Variants in COL6A3 observed in about 807,000 individuals in gnomAD.
The protein encoded by COL6A3 is collagen type VI alpha 3 chain.
A neutral mutation model predicts 274.1 loss-of-function variants in COL6A3; 137 were observed. The ratio of observed to expected loss-of-function variants is 0.50; its 90% CI spans 0.44 to 0.58. The LOEUF is 0.58. Among genes scored for constraint, COL6A3 ranks in the 20% least tolerant of loss-of-function variants. COL6A3 has a pLI of 0.00. For synonymous variants in COL6A3, 1,650 were observed against 1,650.6 expected (o/e 1.00, Z 0.01); for missense variants, 3,950 against 4,124.9 (o/e 0.96, Z 1.16).
chr2:237,381,663 T>A (rs1377478080), intron 4 of COL6A3, among the ~76,000 whole-genome samples, 164 bp from the exon 5 acceptor site: 1 of 152,216 alleles, frequency 6.6e-6, no homozygotes, highest in Non-Finnish European at 1.5e-5. Flanking sequence ...ACACATAAGT[T>A]ATGGTTGCCT....
In COL6A3 at chr2:237,339,004, T is replaced by A; in HGVS notation, c.8567+11A>T. 2 of 1,609,412 alleles carry A rather than the reference T, an allele frequency of 1.2e-6. No homozygotes were observed. The highest frequency in any genetic ancestry group is 8.5e-7 in the Non-Finnish European group (1 of 1,175,710). On this transcript the variant is annotated intron_variant, in intron 39 of 43. Coordinates refer to ENST00000295550, the MANE Select transcript of COL6A3 (RefSeq NM_004369.4). ...GCTACAATTTTTAAGACAATAATTA[T>A]AATCACTTACACTTGTTTGTGACCA...
Position 237,363,305 on chromosome 2 carries a change from C to G in COL6A3, c.6011G>C (p.Arg2004Thr), listed in dbSNP as rs2077479587. The stretch of plus-strand genomic sequence containing the variant: ...GTCCAGCAAGTTAAGCCTCAGGGGC[C>G]TGTCATACATAAACCCTCGCCCAAA... ...LEFGRGFMYD[R>T]PLRLNLLDLD... is the part of the protein sequence containing the mutation. The change falls in exon 14 of 44, where the codon AGG becomes ACG. Residue 2004 changes from arginine to threonine, a missense_variant. Physicochemically the swap from Arg to Thr is moderately conservative, Grantham distance 71 (BLOSUM62 -1). Coordinates refer to ENST00000295550, the MANE Select transcript of COL6A3 (RefSeq NM_004369.4). 1 of 1,614,156 alleles carries G rather than the reference C, an allele frequency of 6.2e-7. No individual in the cohort carries two copies. The highest frequency in any genetic ancestry group is 8.5e-7 in the Non-Finnish European group (1 of 1,180,028).
intron 4 of COL6A3, among the ~76,000 whole-genome samples, chr2:237,383,922 G>A (rs975503777): frequency 6.6e-6 from 1 of 152,100 alleles, no homozygotes; most frequent in African/African-American, 2.4e-5. Context: ...TGGGAACCCT[G>A]AAATGCACCT....
intron 28 of COL6A3, 110 bp downstream of exon 28, chr2:237,350,037 C>T: frequency 9.7e-7 from 1 of 1,026,050 alleles, no homozygotes; most frequent in East Asian, 2.4e-5. Flanking sequence ...GCCGTATCCC[C>T]AATAATACAA....
intron 9 of COL6A3, among the ~76,000 whole-genome samples, chr2:237,370,026 AT>A (rs34693588): frequency 2.9e-4 from 43 of 147,654 alleles, no homozygotes; most frequent in Middle Eastern, 3.4e-3. Flanking sequence ...TTTCATTAAA[AT>A]TTTTTTTTTT....
Position 237,347,857 on chromosome 2 carries a change from C to T in COL6A3, c.6979G>A (p.Glu2327Lys), listed in dbSNP as rs1435064229. ...CCTGTTGTTCCATTTAGCCCAGGTT[C>T]ACCTGGGTTACCCTGGGAAGAAAGC... is the stretch of plus-strand genomic sequence containing the variant. The part of the protein sequence containing the change: ...GYPGPKGNPG[E>K]PGLNGTTGPK... Residue 2327 changes from glutamate (E) to lysine (K), a missense_variant, in exon 31 of 44, where the codon GAA becomes AAA. Transcript: ENST00000295550. 1.7e-5 allele frequency: 28 copies of T among 1,610,230 alleles called. No individual in the cohort carries two copies. The highest frequency in any genetic ancestry group is 2.4e-5 in the Non-Finnish European group (28 of 1,178,212).
intron 1 of COL6A3, among the ~76,000 whole-genome samples, chr2:237,410,112 G>A (rs1441999247): frequency 6.6e-6 from 1 of 151,942 alleles, no homozygotes. Context: ...AAAACTGCCC[G>A]CAAGCTCTGC....
Position 237,369,181 on chromosome 2 carries a change from C to T in COL6A3, c.4286-4G>A, listed in dbSNP as rs779028717. 2.4e-5 allele frequency: 39 copies of T among 1,608,572 alleles called. No individual in the cohort carries two copies. Among genetic ancestry groups the T allele is most frequent in the Non-Finnish European group, 2.7e-5 (32 of 1,179,996 alleles). On this transcript the variant is annotated splice_polypyrimidine_tract_variant and splice_region_variant and intron_variant, in intron 9 of 43. Coordinates refer to ENST00000295550, the MANE Select transcript of COL6A3 (RefSeq NM_004369.4). ...TCTGCAGCATCACTCTCAACTGCTGCAGATCAAAGAAGAAAAAGGGAAACA... is the reference window on the plus strand; with the variant it reads ...TCTGCAGCATCACTCTCAACTGCTGTAGATCAAAGAAGAAAAAGGGAAACA...
chr2:237,395,455 C>T (rs1165060928), intron 2 of COL6A3, among the ~76,000 whole-genome samples: 1 of 152,198 alleles, frequency 6.6e-6, no homozygotes, highest in African/African-American at 2.4e-5. Context: ...GGGCCAGTAG[C>T]ATGCTCCAGA....
At chr2:237,340,319 A>G in intron 38 of COL6A3, 133 bp downstream of exon 38, 1 of 825,610 alleles carries the variant, frequency 1.2e-6, no homozygotes. Context: ...GGCAGGTGTC[A>G]ATATATGTCT....
intron 30 of COL6A3, 85 bp from the exon 31 acceptor site, chr2:237,347,954 C>G (rs369338181): frequency 7.9e-7 from 1 of 1,266,826 alleles, no homozygotes; most frequent in South Asian, 1.3e-5. Context: ...ATCCAGGAGA[C>G]GTGTGGGTCA....
chr2:237,399,584 C>G (rs548199243), intron 1 of COL6A3, among the ~76,000 whole-genome samples: 1 of 152,160 alleles, frequency 6.6e-6, no homozygotes, highest in African/African-American at 2.4e-5. Context: ...TGCTGAATAC[C>G]AAGCCTCCTT....
At chr2:237,329,919 ATT>A (rs1700134780) in intron 42 of COL6A3, 1 of 152,234 alleles carries the variant, frequency 6.6e-6, no homozygotes. Flanking sequence ...GGGCTATACA[ATT>A]GGCCCAGTCA....
rs749113845 is a variant in COL6A3, at chr2:237,381,182, G to A, written c.1630C>T (p.Arg544Trp). 1.3e-5 allele frequency: 21 copies of A among 1,614,128 alleles called. No individual in the cohort carries two copies. The highest frequency in any genetic ancestry group is 1.6e-4 in the Middle Eastern group (1 of 6,084). The change falls in exon 5 of 44, where the codon CGG (arginine) becomes TGG (tryptophan). Residue 544 changes from arginine to tryptophan, a missense_variant. Arg to Trp is a moderately radical substitution (Grantham distance 101). This residue lies in a region of COL6A3 where 1,934 missense variants were observed against 1,984.3 expected (regional missense o/e 0.97). Transcript: ENST00000295550. Reference protein sequence around the residue: ...NNLFTSSAGYRAAEGIPKLLV... With the variant: ...NNLFTSSAGYWAAEGIPKLLV... The stretch of plus-strand genomic sequence containing the variant: ...AGCTTAGGAATCCCCTCGGCAGCCC[G>A]GTAGCCGGCTGAACTCGTGAATAGG...
At position 237,376,843 on chromosome 2, in the gene COL6A3, G is replaced by A. The variant is rs2077855125; in HGVS notation, c.2999C>T (p.Pro1000Leu). Reference protein sequence around the residue: ...PAFILAAESLPKIGDLHPQIV... With the variant: ...PAFILAAESLLKIGDLHPQIV... Reference sequence around the variant, plus strand: ...CTGTGGATGAAGATCTCCAATCTTGGGAAGCGACTCTGCAGCCAGGATAAA... The same window carrying A: ...CTGTGGATGAAGATCTCCAATCTTGAGAAGCGACTCTGCAGCCAGGATAAA... The change falls in exon 7 of 44, where the codon CCC (proline) becomes CTC (leucine). Residue 1000 changes from proline to leucine, a missense_variant. Pro to Leu is a moderately conservative substitution (Grantham distance 98, BLOSUM62 -3). This residue lies in a region of COL6A3 where 1,934 missense variants were observed against 1,984.3 expected (regional missense o/e 0.97). Transcript: ENST00000295550. The A allele has an allele frequency of 6.2e-7, 1 of 1,614,162 alleles. No homozygotes were observed. The highest frequency in any genetic ancestry group is 1.7e-5 in the Admixed American group (1 of 60,022).
chr2:237,344,069 T>C lies in COL6A3; in HGVS notation c.7668+281A>G. The C allele has an allele frequency of 3.9e-6, 2 of 512,998 alleles. No homozygotes were observed. The highest frequency in any genetic ancestry group is 7.1e-6 in the Non-Finnish European group (2 of 281,854). The allele number at this position is 512,998 out of a possible 1,614,324, so 31.8% of individuals were successfully genotyped here. On this transcript the variant is annotated intron_variant, in intron 36 of 43. Transcript: ENST00000295550. The surrounding 1 kb of genome is among the most constrained non-coding windows in gnomAD (Gnocchi z 4.8). ...CAAGTCACACCACCTTGTTAGTAGA[T>C]AGAGAGTGTCACCAACACTAGCATC...
intron 1 of COL6A3, among the ~76,000 whole-genome samples, chr2:237,404,235 T>C (rs1406748439): frequency 6.6e-6 from 1 of 152,104 alleles, no homozygotes; most frequent in Non-Finnish European, 1.5e-5. Flanking sequence ...TCAAAGAGTC[T>C]ATGATCCTCC....
In COL6A3 at chr2:237,334,746, T is replaced by C. The variant is rs758501768; in HGVS notation, c.9109A>G (p.Asn3037Asp). The change falls in exon 41 of 44, where the codon AAC becomes GAC. Residue 3037 changes from asparagine (N) to aspartate (D), a missense_variant. Asn to Asp is a conservative substitution (Grantham distance 23). Transcript: ENST00000295550. Reference protein sequence around the residue: ...AHDQSLVLKQNLTVTDRVIGG... With the variant: ...AHDQSLVLKQDLTVTDRVIGG... ...ATGACGCGGTCCGTGACCGTGAGGT[T>C]CTGCTTCAGAACCAGGGACTGATCA... The C allele has an allele frequency of 6.2e-7, 1 of 1,614,158 alleles. No homozygotes were observed. Among genetic ancestry groups the C allele is most frequent in the South Asian group, 1.1e-5 (1 of 91,086 alleles).
chr2:237,340,361 A>C, intron 38 of COL6A3, 91 bp downstream of exon 38: 1 of 1,208,068 alleles, frequency 8.3e-7, no homozygotes, highest in Non-Finnish European at 1.2e-6. Flanking sequence ...CTGTCAACAC[A>C]TCGGTTGTCT....
Sources: allele counts gnomAD v4.1 joint callset (sites outside exome capture counted in the v4.1 genomes callset), GRCh38; gene constraint gnomAD v4.1.1; regional missense constraint gnomAD v4.1.1; non-coding constraint Gnocchi (gnomAD v3.1); transcripts MANE v1.5; gene names NCBI Gene and HGNC (gene_info 2026-07-23, HGNC 2026-07-21).